Variants in SGCD observed in about 807,000 individuals in gnomAD.
SGCD encodes delta-sarcoglycan.
A neutral mutation model predicts 36.6 loss-of-function variants in SGCD; 18 were observed. That is an observed-to-expected ratio of 0.49 (90% CI 0.34 to 0.73). The LOEUF is 0.73. Among genes scored for constraint, SGCD ranks in the 30% least tolerant of loss-of-function variants. The pLI is 0.01. For missense variants in SGCD, 387 were observed against 346.7 expected (o/e 1.12, Z -0.92); for synonymous variants, 133 against 130.6 (o/e 1.02, Z -0.12).
At chr5:156,300,487 T>C (rs1225293445) in intron 3 of SGCD, among the ~76,000 whole-genome samples, 2 of 152,038 alleles carry the variant, frequency 1.3e-5, no homozygotes. Flanking sequence ...GAAGATATTA[T>C]TTCTATTTTT....
chr5:156,567,377 A>AATAGATAGATAG (rs35083006), intron 4 of SGCD, among the ~76,000 whole-genome samples: 78 of 131,856 alleles, frequency 5.9e-4, no homozygotes, highest in East Asian at 1.2e-3. Context: ...TGGATAGATA[A>AATAGATAGATAG]ATAGATAGAT....
the SGCD span, among the ~76,000 whole-genome samples, chr5:155,827,891 A>G: frequency 7.4e-6 from 1 of 134,274 alleles, no homozygotes; most frequent in Admixed American, 8.1e-5. Context: ...GGGTTTCTCC[A>G]TGTTGGTCAG....
chr5:155,987,486 A>G (rs1393467353), intron 1 of SGCD, among the ~76,000 whole-genome samples: 1 of 152,176 alleles, frequency 6.6e-6, no homozygotes, highest in Non-Finnish European at 1.5e-5. Context: ...CCCATCTCCC[A>G]GTCTGCTGCC....
At chr5:156,301,655 A>G (rs1018341852) in intron 3 of SGCD, among the ~76,000 whole-genome samples, 2 of 152,072 alleles carry the variant, frequency 1.3e-5, no homozygotes, top group Non-Finnish European at 2.9e-5. Context: ...TGTCTTTCAG[A>G]TTGAAGAACT....
intron 3 of SGCD, among the ~76,000 whole-genome samples, chr5:156,485,474 C>A (rs1254079584): frequency 6.6e-6 from 1 of 151,928 alleles, no homozygotes; most frequent in African/African-American, 2.4e-5. Context: ...CCCAGCCTGG[C>A]CAACATGGTG....
intron 1 of SGCD, among the ~76,000 whole-genome samples, chr5:155,905,868 C>A (rs539358918): frequency 2.1e-4 from 32 of 152,238 alleles, no homozygotes; most frequent in Admixed American, 1.9e-3. Flanking sequence ...TCCCCAGCCA[C>A]GTGGAACTGT....
At chr5:156,643,326 C>T (rs1763109621) in intron 6 of SGCD, among the ~76,000 whole-genome samples, 1 of 152,080 alleles carries the variant, frequency 6.6e-6, no homozygotes, top group East Asian at 1.9e-4. Flanking sequence ...GCCACCTCGC[C>T]CAGCCAATTA....
intron 3 of SGCD, among the ~76,000 whole-genome samples, chr5:156,133,113 T>C (rs909868469): frequency 2.6e-5 from 4 of 152,182 alleles, no homozygotes; most frequent in Non-Finnish European, 5.9e-5. Flanking sequence ...AATGAGTGTT[T>C]GTATCAGATA....
At chr5:155,796,806 CAAAAAAAAA>C in the SGCD span, among the ~76,000 whole-genome samples, 4 of 51,320 alleles carry the variant, frequency 7.8e-5, no homozygotes, top group South Asian at 2.0e-3. Flanking sequence ...AACTCCATCT[CAAAAAAAAA>C]AAAAAAAAAA....
chr5:156,383,017 T>A (rs1414712014), intron 3 of SGCD, among the ~76,000 whole-genome samples: 1 of 152,174 alleles, frequency 6.6e-6, no homozygotes, highest in African/African-American at 2.4e-5. Flanking sequence ...GGCAATTTTA[T>A]AAGAAGCTGT....
At chr5:156,502,976 G>T (rs1367183073) in intron 3 of SGCD, among the ~76,000 whole-genome samples, 1 of 152,142 alleles carries the variant, frequency 6.6e-6, no homozygotes, top group African/African-American at 2.4e-5. Context: ...CGAGAGACAG[G>T]GAAGTAGGCT....
chr5:156,646,008 A>G (rs1763209788), intron 6 of SGCD, among the ~76,000 whole-genome samples: 1 of 152,104 alleles, frequency 6.6e-6, no homozygotes, highest in Non-Finnish European at 1.5e-5. Context: ...GAGAGAGGGA[A>G]ACTGAATATC....
At chr5:156,434,634 G>A (rs555102615) in intron 3 of SGCD, among the ~76,000 whole-genome samples, 7 of 152,296 alleles carry the variant, frequency 4.6e-5, no homozygotes, top group East Asian at 3.9e-4. Flanking sequence ...TCAGGGTGGG[G>A]ATTGGCCTGT....
At chr5:155,827,973 G>A in the SGCD span, among the ~76,000 whole-genome samples, 1 of 151,516 alleles carries the variant, frequency 6.6e-6, no homozygotes, top group African/African-American at 2.4e-5. Flanking sequence ...TTACAAGAGT[G>A]AGCCACTATG....
intron 3 of SGCD, among the ~76,000 whole-genome samples, chr5:156,184,291 C>T (rs1274394604): frequency 6.6e-6 from 1 of 151,846 alleles, no homozygotes; most frequent in East Asian, 1.9e-4. Context: ...TGGTGACCAT[C>T]TGTCCTAGAA....
rs1272592696 is a variant in SGCD at position 156,767,430 on chromosome 5, A to C, written c.*8040A>C. 7.2e-6 allele frequency: 1 copy of C among 138,736 alleles called. No individual in the cohort carries two copies. Among genetic ancestry groups the C allele is most frequent in the Admixed American group, 7.7e-5 (1 of 13,066 alleles). 8.6% of individuals were successfully genotyped at this position (138,736 alleles called of 1,614,324 possible). A position where few individuals can be genotyped will look rare whatever the true frequency, so the allele number is the denominator to read the frequency against. ...GCGCTTCTGAAGAAGCCGGATTCTG[A>C]TGTTCTTAACCAAAATGGTGAGGTC... On this transcript the variant is annotated 3_prime_UTR_variant, in exon 9 of 9. Transcript: ENST00000337851.
upstream of SGCD, among the ~76,000 whole-genome samples, chr5:156,322,027 T>C (rs141026833): frequency 3.3e-5 from 5 of 152,270 alleles, no homozygotes; most frequent in East Asian, 9.7e-4. Context: ...TGTATGACCT[T>C]ACTGTGTTAC....
chr5:156,089,458 C>T (rs1761186418), intron 1 of SGCD, among the ~76,000 whole-genome samples: 1 of 152,212 alleles, frequency 6.6e-6, no homozygotes, highest in Non-Finnish European at 1.5e-5. Flanking sequence ...GAGCCGTTGT[C>T]ATTTTGTATA....
intron 1 of SGCD, among the ~76,000 whole-genome samples, chr5:155,998,600 G>GC (rs1758602106): frequency 6.6e-6 from 1 of 152,108 alleles, no homozygotes; most frequent in Non-Finnish European, 1.5e-5. Context: ...CGTTCTCTGT[G>GC]GTATAGGTCT....
Sources: gnomAD v4.1 joint callset for allele counts (sites outside exome capture counted in the v4.1 genomes callset) on GRCh38, gnomAD v4.1.1 for gene constraint, MANE v1.5 for transcripts, NCBI Gene and HGNC (gene_info 2026-07-23, HGNC 2026-07-21) for gene names.